Variants in PDZD2 observed in about 807,000 individuals in gnomAD.
PDZD2 encodes the protein PDZ domain containing 2.
PDZD2 carries 90 observed loss-of-function variants against 220.7 expected under a neutral mutation model. That is an observed-to-expected ratio of 0.41 (90% CI 0.34 to 0.49). PDZD2 has a LOEUF of 0.49. Ranked by LOEUF, PDZD2 falls within the 20% of genes least tolerant of loss-of-function variation. The pLI, the probability that PDZD2 is intolerant of heterozygous loss-of-function variation, is 0.28. For missense variants in PDZD2, 3,174 were observed against 3,608.5 expected, an observed-to-expected ratio of 0.88 and a Z score of 3.08; for synonymous variants, 1,375 against 1,450.5, an observed-to-expected ratio of 0.95 and a Z score of 1.18.
At chr5:31,920,041 G>T (rs1744072202) in intron 2 of PDZD2, among the ~76,000 whole-genome samples, 1 of 151,918 alleles carries the variant, frequency 6.6e-6, no homozygotes, top group Non-Finnish European at 1.5e-5. Flanking sequence ...CTGGCCAGGG[G>T]TTTTGGGAGG....
intron 1 of PDZD2, among the ~76,000 whole-genome samples, chr5:31,692,251 C>T (rs1180372560): frequency 2.0e-5 from 3 of 152,200 alleles, no homozygotes; most frequent in African/African-American, 4.8e-5. Context: ...TGGGGCCGGC[C>T]GGGCGAGTGC....
chr5:31,657,841 C>G (rs983269691), intron 1 of PDZD2, among the ~76,000 whole-genome samples: 1 of 152,146 alleles, frequency 6.6e-6, no homozygotes, highest in Non-Finnish European at 1.5e-5. Context: ...CCGGCAACAC[C>G]CGCAAAGGAG....
chr5:31,912,313 A>ATAAGGACAC (rs11281304), intron 2 of PDZD2, among the ~76,000 whole-genome samples: 2,846 of 152,166 alleles, frequency 0.019, 95 homozygotes, highest in African/African-American at 0.065. Context: ...GGTATCTTTC[A>ATAAGGACAC]TAAGGACACT....
intron 1 of PDZD2, among the ~76,000 whole-genome samples, chr5:31,689,353 A>ATATTTTTTTTTTTTT: frequency 5.7e-5 from 2 of 35,122 alleles, no homozygotes; most frequent in Non-Finnish European, 8.4e-5. Flanking sequence ...ATATATATAT[A>ATATTTTTTTTTTTTT]TTTTTTTTTT....
At chr5:31,926,390 G>C (rs970423796) in intron 2 of PDZD2, among the ~76,000 whole-genome samples, 3 of 150,246 alleles carry the variant, frequency 2.0e-5, no homozygotes, top group African/African-American at 7.5e-5. Flanking sequence ...GCCAGGCGTG[G>C]TGGTGCAAGC....
chr5:31,790,049 T>C (rs759531067), intron 1 of PDZD2, among the ~76,000 whole-genome samples: 6 of 152,202 alleles, frequency 3.9e-5, no homozygotes, highest in Non-Finnish European at 8.8e-5. Context: ...CTTGCTCTGG[T>C]GGAAGGAACT....
chr5:31,912,081 A>G (rs1404874434), intron 2 of PDZD2, among the ~76,000 whole-genome samples: 1 of 152,170 alleles, frequency 6.6e-6, no homozygotes, highest in Non-Finnish European at 1.5e-5. Flanking sequence ...TCTACTACAC[A>G]AAAGACCAGA....
intron 8 of PDZD2, among the ~76,000 whole-genome samples, chr5:32,052,013 C>T (rs961825691): frequency 6.6e-6 from 1 of 152,220 alleles, no homozygotes; most frequent in African/African-American, 2.4e-5. Context: ...CTTGTTTCTG[C>T]TTCCTGACTC....
At chr5:31,670,811 A>G (rs1313768873) in intron 1 of PDZD2, among the ~76,000 whole-genome samples, 1 of 152,092 alleles carries the variant, frequency 6.6e-6, no homozygotes, top group East Asian at 1.9e-4. Flanking sequence ...GAGGGAGGTA[A>G]CAGAAAAGGG....
At chr5:31,796,652 C>CT (rs1754043983) in intron 1 of PDZD2, among the ~76,000 whole-genome samples, 1 of 152,102 alleles carries the variant, frequency 6.6e-6, no homozygotes, top group Non-Finnish European at 1.5e-5. Flanking sequence ...TATCGCAGAC[C>CT]TATTACACAC....
At chr5:32,059,153 T>G in intron 12 of PDZD2, 86 bp from the exon 13 acceptor site, 1 of 715,176 alleles carries the variant, frequency 1.4e-6, no homozygotes, top group Non-Finnish European at 2.5e-6. Context: ...TGAATAGATA[T>G]TAATTCTGTT....
At chr5:32,096,917 C>T (rs1743769176) in intron 21 of PDZD2, among the ~76,000 whole-genome samples, 1 of 144,338 alleles carries the variant, frequency 6.9e-6, no homozygotes, top group African/African-American at 2.6e-5. Context: ...CTCACTGCAG[C>T]CGTGACCTTC....
At chr5:31,755,931 T>C (rs1030517752) in intron 1 of PDZD2, among the ~76,000 whole-genome samples, 1 of 152,022 alleles carries the variant, frequency 6.6e-6, no homozygotes, top group African/African-American at 2.4e-5. Flanking sequence ...ACAACAGCCC[T>C]CATTGACTCC....
At chr5:32,042,426 A>T (rs535595916) in intron 7 of PDZD2, among the ~76,000 whole-genome samples, 99 of 149,732 alleles carry the variant, frequency 6.6e-4, no homozygotes, top group African/African-American at 2.4e-3. Flanking sequence ...AAAAAAAATT[A>T]GTTGGGTGTG....
chr5:32,109,881 G>C lies in PDZD2; in HGVS notation c.*1746G>C, dbSNP rs1361669985. The C allele has an allele frequency of 6.6e-6, 1 of 152,626 alleles. No individual in the cohort carries two copies. The highest frequency in any genetic ancestry group is 1.9e-4 in the East Asian group (1 of 5,204). The allele number at this position is 152,626 out of a possible 1,614,324, so 9.5% of individuals were successfully genotyped here. A position where few individuals can be genotyped will look rare whatever the true frequency, so the allele number is the denominator to read the frequency against. ...AGGTCCTTCAGATGAGAGAGAAATA[G>C]CTGGCTTGTCTGAGTCCAGATTTCT... On this transcript the variant is annotated 3_prime_UTR_variant, in exon 25 of 25. Coordinates refer to ENST00000438447, the MANE Select transcript of PDZD2 (RefSeq NM_178140.4).
intron 1 of PDZD2, among the ~76,000 whole-genome samples, chr5:31,737,333 C>T (rs13185883): frequency 0.11 from 17,101 of 151,394 alleles, 1,013 homozygotes; most frequent in Middle Eastern, 0.16. Context: ...CCACCACGCC[C>T]AGCTAATTTG....
At chr5:31,817,254 G>A (rs577678749) in intron 2 of PDZD2, among the ~76,000 whole-genome samples, 19 of 151,674 alleles carry the variant, frequency 1.3e-4, no homozygotes, top group African/African-American at 4.4e-4. Context: ...AGCACTTTGG[G>A]AGGCTGAGGT....
chr5:31,679,253 G>A (rs548614445), intron 1 of PDZD2, among the ~76,000 whole-genome samples: 1 of 152,350 alleles, frequency 6.6e-6, no homozygotes, highest in South Asian at 2.1e-4. Flanking sequence ...CAGATTCCAG[G>A]CTTCCTTATG....
At chr5:31,896,364 G>GTGTGTA (rs1554091137) in intron 2 of PDZD2, among the ~76,000 whole-genome samples, 2 of 146,006 alleles carry the variant, frequency 1.4e-5, no homozygotes, top group Non-Finnish European at 3.0e-5. Context: ...GTGTGTGTGT[G>GTGTGTA]TGTATGTGTG....
Sources: gnomAD v4.1 joint callset for allele counts (sites outside exome capture counted in the v4.1 genomes callset) on GRCh38, gnomAD v4.1.1 for gene constraint, MANE v1.5 for transcripts, NCBI Gene and HGNC (gene_info 2026-07-23, HGNC 2026-07-21) for gene names.